RERE: variants seen among roughly 807,000 people sequenced by gnomAD.
The protein encoded by RERE is arginine-glutamic acid dipeptide repeats protein.
A neutral mutation model predicts 146.1 loss-of-function variants in RERE; 40 were observed. The ratio of observed to expected loss-of-function variants is 0.27; its 90% confidence interval spans 0.21 to 0.36. The LOEUF is 0.36. RERE is among the 10% of genes least tolerant of loss of function. The pLI is 1.00. For synonymous variants in RERE, 1,003 were observed against 866.0 expected (o/e 1.16, Z -2.78); for missense variants, 1,933 against 2,138.7 (o/e 0.90, Z 1.90).
At chr1:8,577,721 C>G (rs371488273) in intron 4 of RERE, among the ~76,000 whole-genome samples, 2 of 152,182 alleles carry the variant, frequency 1.3e-5, no homozygotes, top group South Asian at 2.1e-4. Flanking sequence ...CCTTATAAAA[C>G]AAGCCCTAGA....
chr1:8,539,559 C>A (rs971625188), intron 7 of RERE, among the ~76,000 whole-genome samples: 1 of 152,128 alleles, frequency 6.6e-6, no homozygotes, highest in Non-Finnish European at 1.5e-5. Flanking sequence ...GTGTGTGCCA[C>A]CATGCCCAGC....
At chr1:8,753,127 T>C (rs1041511675) in intron 1 of RERE, among the ~76,000 whole-genome samples, 5 of 152,156 alleles carry the variant, frequency 3.3e-5, no homozygotes, top group African/African-American at 1.2e-4. Flanking sequence ...CTCTCTCCAG[T>C]ATAATCTTCC....
At chr1:8,445,502 C>T (rs376837169) in intron 11 of RERE, among the ~76,000 whole-genome samples, 40 of 152,198 alleles carry the variant, frequency 2.6e-4, no homozygotes, top group African/African-American at 8.7e-4. Flanking sequence ...CTCTTTTTTA[C>T]TTATTTTATT....
chr1:8,706,796 A>C lies in RERE; in HGVS notation c.-144-50355T>G, dbSNP rs192041804. On this transcript the variant is annotated intron_variant, in intron 1 of 22. Transcript: ENST00000400908. ...AACTCAATGGTGGGTGTACTCCTCA[A>C]AGTGAAACATTTGTTTTAACCCTCA... Among the ~76,000 whole-genome samples the C allele has an allele frequency of 9.8e-4, 149 of 152,312 alleles. 1 individual carries two copies. The highest frequency in any genetic ancestry group is 3.4e-3 in the African/African-American group (141 of 41,552).
At chr1:8,584,209 A>C (rs1646400292) in intron 4 of RERE, among the ~76,000 whole-genome samples, 1 of 152,132 alleles carries the variant, frequency 6.6e-6, no homozygotes, top group Non-Finnish European at 1.5e-5. Context: ...ATAAACATTT[A>C]AAAGTCAAAA....
chr1:8,441,077 GC>G (rs1644241677), intron 11 of RERE, among the ~76,000 whole-genome samples: 1 of 151,794 alleles, frequency 6.6e-6, no homozygotes. Context: ...GGCAAGGACA[GC>G]AAGTTTTTCA....
intron 12 of RERE, among the ~76,000 whole-genome samples, chr1:8,394,887 G>C (rs1440236992): frequency 6.6e-6 from 1 of 152,060 alleles, no homozygotes; most frequent in East Asian, 1.9e-4. Context: ...TACTTTAAGG[G>C]GAGAGAAACT....
intron 10 of RERE, among the ~76,000 whole-genome samples, chr1:8,476,762 C>T (rs986187776): frequency 2.0e-5 from 3 of 152,326 alleles, no homozygotes; most frequent in African/African-American, 4.8e-5. Flanking sequence ...ACAGGCTACA[C>T]GAGGCAGGGC....
At chr1:8,665,044 C>T (rs1451883410) in intron 1 of RERE, among the ~76,000 whole-genome samples, 1 of 152,178 alleles carries the variant, frequency 6.6e-6, no homozygotes, top group African/African-American at 2.4e-5. Flanking sequence ...GTCTTTCAGT[C>T]TACACCCAGC....
At chr1:8,527,700 G>T (rs1186219348) in intron 7 of RERE, among the ~76,000 whole-genome samples, 1 of 152,114 alleles carries the variant, frequency 6.6e-6, no homozygotes, top group African/African-American at 2.4e-5. Context: ...AGCCTTTGTG[G>T]ATATCCTCTT....
chr1:8,503,330 A>C (rs918784693), intron 8 of RERE, among the ~76,000 whole-genome samples: 4 of 152,174 alleles, frequency 2.6e-5, no homozygotes, highest in African/African-American at 9.6e-5. Context: ...AAAACCCCCA[A>C]AATTATATAT....
At position 8,423,777 on chromosome 1, in the gene RERE, G is replaced by A. The variant is rs1643956908; in HGVS notation, c.1204-970C>T. The A allele has an allele frequency of 2.5e-6, 2 of 799,790 alleles. No homozygotes were observed. The highest frequency in any genetic ancestry group is 5.6e-5 in the South Asian group (1 of 17,844). 49.5% of individuals were successfully genotyped at this position (799,790 alleles called of 1,614,324 possible). ...GGCTGGGGCCGCCGCTGACGGGGGA[G>A]GAGGCAGGAGCGCGGCGCGCAGAGC... On this transcript the variant is annotated intron_variant, in intron 11 of 22. Transcript: ENST00000400908. This position sits in a 1 kb window ranked among gnomAD's most constrained non-coding sequence, Gnocchi z 5.4.
chr1:8,355,671 C>G (rs1258706930), intron 21 of RERE, 72 bp from the exon 22 acceptor site: 1 of 1,330,408 alleles, frequency 7.5e-7, no homozygotes, highest in Non-Finnish European at 1.0e-6. Context: ...GGCACAGGCA[C>G]AGCAAACGGC....
intron 10 of RERE, among the ~76,000 whole-genome samples, chr1:8,488,376 G>C (rs1213906792): frequency 6.6e-6 from 1 of 152,084 alleles, no homozygotes; most frequent in East Asian, 1.9e-4. Context: ...CTCCTGAATA[G>C]CTGAGATTAC....
At chr1:8,414,334 C>A (rs565414328) in intron 12 of RERE, among the ~76,000 whole-genome samples, 132 of 152,184 alleles carry the variant, frequency 8.7e-4, no homozygotes, top group African/African-American at 3.0e-3. Flanking sequence ...ATCATGAGGT[C>A]AAGAGATCAA....
intron 10 of RERE, among the ~76,000 whole-genome samples, chr1:8,473,494 T>TTGGCCACTTAATAG (rs1553171021): frequency 6.6e-6 from 1 of 152,202 alleles, no homozygotes; most frequent in Non-Finnish European, 1.5e-5. Flanking sequence ...AACACTTAAT[T>TTGGCCACTTAATAG]TGGCTCCACT....
chr1:8,736,330 T>A (rs1446201175), intron 1 of RERE, among the ~76,000 whole-genome samples: 2 of 151,996 alleles, frequency 1.3e-5, no homozygotes, highest in East Asian at 3.9e-4. Flanking sequence ...CCTCAGCCTC[T>A]TGAGTAGCTG....
chr1:8,582,583 G>A (rs1646380407), intron 4 of RERE, among the ~76,000 whole-genome samples: 1 of 152,004 alleles, frequency 6.6e-6, no homozygotes, highest in African/African-American at 2.4e-5. Flanking sequence ...TTAGCTGGGT[G>A]TGGTGGTGGG....
chr1:8,431,284 G>A (rs1644091920), intron 11 of RERE, among the ~76,000 whole-genome samples: 1 of 152,180 alleles, frequency 6.6e-6, no homozygotes, highest in South Asian at 2.1e-4. Context: ...CACATCAGCA[G>A]CGGCATTAGA....
Sources: gnomAD v4.1 joint callset for allele counts (sites outside exome capture counted in the v4.1 genomes callset) on GRCh38, gnomAD v4.1.1 for gene constraint, Gnocchi (gnomAD v3.1) non-coding constraint, MANE v1.5 for transcripts, NCBI Gene and HGNC (gene_info 2026-07-23, HGNC 2026-07-21) for gene names.